LRRC4C: variants seen among roughly 807,000 people sequenced by gnomAD.
LRRC4C encodes leucine-rich repeat-containing protein 4C.
Under a neutral mutation model 33.6 loss-of-function variants are expected in LRRC4C, and 5 were observed. The observed-to-expected ratio is 0.15, with a 90% CI of 0.08 to 0.31. LRRC4C has a LOEUF of 0.31. Ranked by LOEUF, LRRC4C falls within the 10% of genes least tolerant of loss-of-function variation. LRRC4C has a pLI of 1.00. For synonymous variants in LRRC4C, 329 were observed against 302.0 expected (o/e 1.09, Z -0.93); for missense variants, 560 against 796.7 (o/e 0.70, Z 3.58).
intron 1 of LRRC4C, among the ~76,000 whole-genome samples, chr11:41,083,666 G>GA (rs1176782902): frequency 6.6e-6 from 1 of 152,024 alleles, no homozygotes; most frequent in African/African-American, 2.4e-5. Flanking sequence ...ACTGTCAGGC[G>GA]AAAAAAATTT....
At chr11:40,139,910 T>G (rs1307812881) in intron 6 of LRRC4C, among the ~76,000 whole-genome samples, 1 of 152,192 alleles carries the variant, frequency 6.6e-6, no homozygotes, top group East Asian at 1.9e-4. Context: ...TCTCTGATGG[T>G]TGAAAATCAC....
intron 1 of LRRC4C, among the ~76,000 whole-genome samples, chr11:41,053,044 C>G (rs1379866476): frequency 6.6e-6 from 1 of 152,074 alleles, no homozygotes; most frequent in East Asian, 1.9e-4. Flanking sequence ...CAGAATAGAG[C>G]CATAAACTAG....
chr11:40,442,368 A>G (rs1020751654), intron 3 of LRRC4C, among the ~76,000 whole-genome samples: 7 of 152,176 alleles, frequency 4.6e-5, no homozygotes, highest in African/African-American at 1.7e-4. Context: ...AATTTACAAA[A>G]TATTTATGAG....
intron 1 of LRRC4C, among the ~76,000 whole-genome samples, chr11:41,019,018 G>T (rs919603853): frequency 6.6e-5 from 10 of 151,922 alleles, no homozygotes; most frequent in African/African-American, 1.7e-4. Context: ...GTGCCCCTTT[G>T]TACTCCATCC....
At chr11:40,440,399 A>T (rs1209570966) in intron 3 of LRRC4C, among the ~76,000 whole-genome samples, 1 of 151,594 alleles carries the variant, frequency 6.6e-6, no homozygotes, top group Non-Finnish European at 1.5e-5. Context: ...ATTTAGGGAG[A>T]AATTACCATC....
At chr11:40,189,328 T>C (rs1172130369) in intron 5 of LRRC4C, among the ~76,000 whole-genome samples, 1 of 152,232 alleles carries the variant, frequency 6.6e-6, no homozygotes, top group Non-Finnish European at 1.5e-5. Context: ...CCTCGTTCTA[T>C]AAATCCTGGT....
intron 1 of LRRC4C, among the ~76,000 whole-genome samples, chr11:41,381,626 C>CAG (rs375041407): frequency 1.2e-4 from 16 of 133,802 alleles, no homozygotes; most frequent in East Asian, 4.7e-4. Context: ...GACTCTGCTT[C>CAG]AAAAAAAAAA....
chr11:40,468,081 G>A (rs1435638788), intron 3 of LRRC4C, among the ~76,000 whole-genome samples: 1 of 152,174 alleles, frequency 6.6e-6, no homozygotes, highest in Non-Finnish European at 1.5e-5. Flanking sequence ...GGGAAGCTAT[G>A]TGACTTTGCT....
intron 3 of LRRC4C, among the ~76,000 whole-genome samples, chr11:40,607,832 G>T (rs754600048): frequency 1.3e-5 from 2 of 152,086 alleles, no homozygotes; most frequent in Non-Finnish European, 2.9e-5. Flanking sequence ...ACACACACCC[G>T]CTGGGGCTTT....
intron 1 of LRRC4C, among the ~76,000 whole-genome samples, chr11:41,405,057 T>G (rs2138148657): frequency 6.6e-6 from 1 of 152,258 alleles, no homozygotes; most frequent in East Asian, 1.9e-4. Flanking sequence ...TGCTTTATTG[T>G]TACCTAAAAT....
At chr11:40,246,732 A>G (rs1339560129) in intron 4 of LRRC4C, among the ~76,000 whole-genome samples, 1 of 152,152 alleles carries the variant, frequency 6.6e-6, no homozygotes, top group East Asian at 1.9e-4. Context: ...CATCTTTCTT[A>G]GATTATAAAA....
At chr11:41,372,175 G>A (rs1952775227) in intron 1 of LRRC4C, among the ~76,000 whole-genome samples, 1 of 152,254 alleles carries the variant, frequency 6.6e-6, no homozygotes, top group Non-Finnish European at 1.5e-5. Flanking sequence ...TAAAGAAATT[G>A]ACCAGAGTCT....
At chr11:40,991,636 T>C (rs1327901177) in intron 1 of LRRC4C, among the ~76,000 whole-genome samples, 1 of 152,206 alleles carries the variant, frequency 6.6e-6, no homozygotes, top group African/African-American at 2.4e-5. Context: ...TTCCTGCCAC[T>C]AGACAGTCCC....
intron 5 of LRRC4C, among the ~76,000 whole-genome samples, chr11:40,206,981 C>CAA (rs562687802): frequency 2.6e-5 from 4 of 152,084 alleles, no homozygotes; most frequent in East Asian, 3.9e-4. Flanking sequence ...AACAAACAAA[C>CAA]ACAACCCTAG....
intron 1 of LRRC4C, among the ~76,000 whole-genome samples, chr11:41,155,394 AT>A (rs1323443676): frequency 6.6e-6 from 1 of 152,152 alleles, no homozygotes; most frequent in Non-Finnish European, 1.5e-5. Context: ...TTGAAAGTTC[AT>A]TGCACAGTAA....
chr11:40,291,693 C>T (rs1432382583), intron 4 of LRRC4C, among the ~76,000 whole-genome samples: 1 of 152,170 alleles, frequency 6.6e-6, no homozygotes, highest in Non-Finnish European at 1.5e-5. Context: ...TCCCTCCACC[C>T]ACGCACCAGC....
At chr11:40,439,664 G>T (rs2137946593) in intron 3 of LRRC4C, among the ~76,000 whole-genome samples, 1 of 152,052 alleles carries the variant, frequency 6.6e-6, no homozygotes, top group Non-Finnish European at 1.5e-5. Flanking sequence ...ACCTTGGCCA[G>T]GCTGGTCTTG....
In LRRC4C at chr11:40,238,087, G is replaced by A. The variant is rs191014140; in HGVS notation, c.-96+3432C>T. On this transcript the variant is annotated intron_variant, in intron 5 of 6. Coordinates refer to ENST00000528697, the MANE Select transcript of LRRC4C (RefSeq NM_001258419.2). ...ACTCAAAGGGATCCAAAATTTGTAC[G>A]GCAGCACAGGTTTCACGCTATTGGT... is the stretch of plus-strand genomic sequence containing the variant. 3.9e-5 allele frequency among the ~76,000 whole-genome samples: 6 copies of A among 152,214 alleles called. No individual in the cohort carries two copies. In the East Asian group the frequency reaches 9.7e-4, roughly 25 times the overall value.
intron 3 of LRRC4C, among the ~76,000 whole-genome samples, chr11:40,528,779 T>G (rs1421465194): frequency 6.6e-6 from 1 of 152,108 alleles, no homozygotes; most frequent in Non-Finnish European, 1.5e-5. Context: ...ATGTGATATA[T>G]ACAAACAATG....
Sources: allele counts gnomAD v4.1 joint callset (sites outside exome capture counted in the v4.1 genomes callset), GRCh38; gene constraint gnomAD v4.1.1; transcripts MANE v1.5; gene names NCBI Gene and HGNC (gene_info 2026-07-23, HGNC 2026-07-21).